Variants in KLHDC8A observed in about 807,000 individuals in gnomAD.
The protein encoded by KLHDC8A is kelch domain-containing protein 8A.
Under a neutral mutation model 33.1 loss-of-function variants are expected in KLHDC8A, and 21 were observed. That is an observed-to-expected ratio of 0.64 (90% CI 0.45 to 0.91). The LOEUF is 0.91. Ranked by LOEUF, KLHDC8A falls within the 40% of genes least tolerant of loss-of-function variation. The pLI, the probability that KLHDC8A is intolerant of heterozygous loss-of-function variation, is 0.00. For missense variants in KLHDC8A, 435 were observed against 483.3 expected (o/e 0.90, Z 0.94); for synonymous variants, 173 against 193.5 (o/e 0.89, Z 0.88).
At chr1:205,351,744 C>T (rs9793190) in intron 1 of KLHDC8A, among the ~76,000 whole-genome samples, 62,261 of 151,190 alleles carry the variant, frequency 0.41, 13,131 homozygotes, top group African/African-American at 0.5. Flanking sequence ...CATGGAGAAA[C>T]CCCGTCTCTA....
Position 205,338,479 on chromosome 1 carries a change from A to C in KLHDC8A, c.859+16T>G. The C allele has an allele frequency of 6.3e-7, 1 of 1,596,836 alleles. No homozygotes were observed. ...CAGAACCACAATAAATTCCAGCGTGAAAGCGCCATCCTTACCAAGTCCCCC... is the reference window on the plus strand; with the variant it reads ...CAGAACCACAATAAATTCCAGCGTGCAAGCGCCATCCTTACCAAGTCCCCC... On this transcript the variant is annotated intron_variant, in intron 5 of 5. Transcript: ENST00000367155.
In KLHDC8A at chr1:205,356,718, G is replaced by GC. The variant is rs1229586541; in HGVS notation, c.-376dup. On this transcript the variant is annotated 5_prime_UTR_variant, in exon 1 of 6. Coordinates refer to ENST00000367155, the MANE Select transcript of KLHDC8A (RefSeq NM_018203.3). ...CACAATTGATGAGTCCACTGCTGCT[G>GC]CCTCTGGCTGATCGACTGGGATGCA... 7.7e-6 allele frequency: 3 copies of GC among 390,526 alleles called. No homozygotes were observed. The highest frequency in any genetic ancestry group is 1.6e-5 in the Non-Finnish European group (3 of 193,376). 24.2% of individuals were successfully genotyped at this position (390,526 alleles called of 1,614,324 possible). A position where few individuals can be genotyped will look rare whatever the true frequency, so the allele number is the denominator to read the frequency against.
intron 1 of KLHDC8A, chr1:205,348,229 G>A (rs2102294022): frequency 6.6e-6 from 1 of 152,418 alleles, no homozygotes; most frequent in Middle Eastern, 3.4e-3. Context: ...GATTCTCAGT[G>A]TGGCAGGCCA....
chr1:205,353,042 T>G (rs1663162413), intron 1 of KLHDC8A, among the ~76,000 whole-genome samples: 1 of 152,222 alleles, frequency 6.6e-6, no homozygotes, highest in Non-Finnish European at 1.5e-5. Context: ...TTTTCTTCCT[T>G]GGATGCCATC....
intron 1 of KLHDC8A, among the ~76,000 whole-genome samples, chr1:205,346,294 C>T (rs185068886): frequency 1.8e-4 from 27 of 152,310 alleles, no homozygotes; most frequent in Admixed American, 3.3e-4. Flanking sequence ...AAATAGGGAA[C>T]GCACCTTTAC....
intron 4 of KLHDC8A, among the ~76,000 whole-genome samples, chr1:205,338,818 A>C (rs931703045): frequency 6.6e-6 from 1 of 152,024 alleles, no homozygotes; most frequent in Non-Finnish European, 1.5e-5. Flanking sequence ...CATCCCCTAC[A>C]ATGAATCACC....
chr1:205,351,242 A>G (rs12139589), intron 1 of KLHDC8A: 187,574 of 806,416 alleles, frequency 0.23, 23,405 homozygotes, highest in South Asian at 0.33. Flanking sequence ...CGCGGAGTAT[A>G]CACCATGAGC....
At chr1:205,344,522 C>G (rs890531310) in intron 1 of KLHDC8A, 1 of 152,372 alleles carries the variant, frequency 6.6e-6, no homozygotes, top group Non-Finnish European at 1.5e-5. Flanking sequence ...CACAGACGCC[C>G]TCCGGTGTGG....
At position 205,343,496 on chromosome 1, in the gene KLHDC8A, C is replaced by G; in HGVS notation, c.109G>C (p.Gly37Arg). 2 of 1,613,522 alleles carry G rather than the reference C, an allele frequency of 1.2e-6. No homozygotes were observed. Among genetic ancestry groups the G allele is most frequent in the Non-Finnish European group, 1.7e-6 (2 of 1,179,882 alleles). Residue 37 changes from glycine (G) to arginine (R), a missense_variant, in exon 2 of 6, where the codon GGG (glycine) becomes CGG (arginine). Transcript: ENST00000367155. ...LETGGQVYAIGGCDDNGVPMD... is the reference protein window; with the variant it reads ...LETGGQVYAIRGCDDNGVPMD... ...GGGACGCCGTTGTCGTCACATCCCC[C>G]GATGGCATAGACCTGGCCCCCGGTC... is the stretch of plus-strand genomic sequence containing the variant.
intron 1 of KLHDC8A, among the ~76,000 whole-genome samples, chr1:205,349,591 G>A (rs1663039156): frequency 6.6e-6 from 1 of 152,192 alleles, no homozygotes; most frequent in Admixed American, 6.5e-5. Flanking sequence ...CGTGCGGGAA[G>A]GTATGCTTCT....
At chr1:205,353,530 T>A (rs984178994) in intron 1 of KLHDC8A, among the ~76,000 whole-genome samples, 2 of 152,192 alleles carry the variant, frequency 1.3e-5, no homozygotes, top group African/African-American at 4.8e-5. Context: ...TTATTCTTTT[T>A]ATTTTTTGTT....
rs1211514160 is a variant in KLHDC8A, at chr1:205,339,636, G to T, written c.541+8C>A. The T allele has an allele frequency of 6.2e-7, 1 of 1,613,750 alleles. No individual in the cohort carries two copies. Among genetic ancestry groups the T allele is most frequent in the African/African-American group, 1.3e-5 (1 of 74,906 alleles). ...GAGGGTAGGTATAGAACAGTAACCT[G>T]TCCTTACCCAGCACGTAGATCTTGG... On this transcript the variant is annotated splice_region_variant and intron_variant, in intron 3 of 5. Coordinates refer to ENST00000367155, the MANE Select transcript of KLHDC8A (RefSeq NM_018203.3). This position sits in a 1 kb window ranked among gnomAD's most constrained non-coding sequence, Gnocchi z 5.1.
chr1:205,356,304 GTTAA>G (rs149960934), intron 1 of KLHDC8A, among the ~76,000 whole-genome samples: 2,333 of 152,294 alleles, frequency 0.015, 61 homozygotes, highest in African/African-American at 0.053. Flanking sequence ...AATCTTTGGA[GTTAA>G]TTAGCTGGGT....
chr1:205,356,410 C>T (rs1255869213), intron 1 of KLHDC8A, 123 bp downstream of exon 1: 21 of 412,824 alleles, frequency 5.1e-5, no homozygotes, highest in Non-Finnish European at 8.5e-5. Flanking sequence ...CCTCCTGACC[C>T]CCATGCCAGC....
Position 205,339,093 on chromosome 1 carries a change from T to G in KLHDC8A, c.757+101A>C. 3.1e-6 allele frequency: 3 copies of G among 960,922 alleles called. No homozygotes were observed. The South Asian group carries it at 4.6e-5, about 15-fold the overall frequency. The allele number at this position is 960,922 out of a possible 1,614,324, so 59.5% of individuals were successfully genotyped here. ...CTTCTGAGAAGCTTGCCCAGCTGGG[T>G]AAACGGCCCTGGAAGATGGCTGGAA... On this transcript the variant is annotated intron_variant, in intron 4 of 5. Transcript: ENST00000367155. The surrounding 1 kb of genome is among the most constrained non-coding windows in gnomAD (Gnocchi z 5.1).
At chr1:205,343,974 G>C (rs546786545) in intron 1 of KLHDC8A, among the ~76,000 whole-genome samples, 181 bp from the exon 2 acceptor site, 3 of 152,256 alleles carry the variant, frequency 2.0e-5, no homozygotes, top group South Asian at 2.1e-4. Flanking sequence ...CCCGCTGCTC[G>C]GACACTGCCG....
chr1:205,350,163 A>G (rs1407332865), intron 1 of KLHDC8A, among the ~76,000 whole-genome samples: 1 of 152,220 alleles, frequency 6.6e-6, no homozygotes, highest in East Asian at 1.9e-4. Flanking sequence ...TCCAGTCACC[A>G]GTGAAGACTT....
rs971091710 is a variant in KLHDC8A at position 205,356,857 on chromosome 1, C to T, written c.-514G>A. 1.6e-5 allele frequency: 4 copies of T among 255,628 alleles called. No homozygotes were observed. The highest frequency in any genetic ancestry group is 1.2e-4 in the East Asian group (1 of 8,618). 15.8% of individuals were successfully genotyped at this position (255,628 alleles called of 1,614,324 possible). A position where few individuals can be genotyped will look rare whatever the true frequency, so the allele number is the denominator to read the frequency against. On this transcript the variant is annotated 5_prime_UTR_variant, in exon 1 of 6. Transcript: ENST00000367155. ...CCTACTGAGAGGGCCTCAGCCAGCT[C>T]GTCAGAGCCCCAGTGTCTCCGCGCC...
At chr1:205,338,236 G>A (rs1662687722) in intron 5 of KLHDC8A, among the ~76,000 whole-genome samples, 1 of 152,202 alleles carries the variant, frequency 6.6e-6, no homozygotes, top group African/African-American at 2.4e-5. Context: ...GTAAGCCTGT[G>A]CTGCACGGCT....
Sources: allele counts gnomAD v4.1 joint callset (sites outside exome capture counted in the v4.1 genomes callset), GRCh38; gene constraint gnomAD v4.1.1; non-coding constraint Gnocchi (gnomAD v3.1); transcripts MANE v1.5; gene names NCBI Gene and HGNC (gene_info 2026-07-23, HGNC 2026-07-21).